The following PNMA8B variants were observed in gnomAD, a reference collection of about 807,000 sequenced individuals.
PNMA8B encodes PNMA family member 8B.
For synonymous variants in PNMA8B, 386 were observed against 394.9 expected (o/e 0.98, Z 0.27); for missense variants, 887 against 885.8 (o/e 1.00, Z -0.02).
In PNMA8B at chr19:46,493,705, G is replaced by A. The variant is rs772427229; in HGVS notation, c.1761C>T (p.Ala587=). 2.6e-6 allele frequency: 4 copies of A among 1,535,148 alleles called. No individual in the cohort carries two copies. The Admixed American group carries it at 5.6e-5, about 22-fold the overall frequency. Residue 587 remains alanine, a synonymous_variant, in exon 1 of 1, where the codon GCC becomes GCT. Transcript: ENST00000599531. This position sits in a 1 kb window ranked among gnomAD's most constrained non-coding sequence, Gnocchi z 5.3. ...TCCCCTTCTTCTTCCTGCTTCCTGC[G>A]GCGTCGTCCTGGGCCGAGCCCCGGC... is the stretch of plus-strand genomic sequence containing the variant. ...AGSRGSAQDD[A]AGSRKKKGSA...
chr19:46,495,332 G>T lies in PNMA8B; in HGVS notation c.134C>A (p.Pro45His). 1 of 1,292,234 alleles carries T rather than the reference G, an allele frequency of 7.7e-7. No individual in the cohort carries two copies. Among genetic ancestry groups the T allele is most frequent in the Non-Finnish European group, 1.1e-6 (1 of 886,182 alleles). The allele number at this position is 1,292,234 out of a possible 1,614,324, so 80.0% of individuals were successfully genotyped here. ...GTGTCGCAACCTGAACGTGCCCAGG[G>T]GCAGGAGGGTCGGCTGCAGGACGGC... is the stretch of plus-strand genomic sequence containing the variant. ...VEAVLQPTLL[P>H]LGTFRLRHMK... The change falls in exon 1 of 1, where the codon CCC becomes CAC. Residue 45 changes from proline (P) to histidine (H), a missense_variant. By Grantham distance (77) the Pro-to-His change is moderately conservative (BLOSUM62 -2). Coordinates refer to ENST00000599531, the MANE Select transcript of PNMA8B (RefSeq NM_020709.3).
Position 46,494,151 on chromosome 19 carries a change from T to C in PNMA8B, c.1315A>G (p.Ser439Gly). Residue 439 changes from serine (S) to glycine (G), a missense_variant, in exon 1 of 1, where the codon AGC (serine) becomes GGC (glycine). Transcript: ENST00000599531. The stretch of plus-strand genomic sequence containing the variant: ...CCCCCTTCGTCCTCACGGTGCTCGC[T>C]CCAGCCCCCGAAGAGGCCACGCCCA... ...KAGRGLFGGW[S>G]EHREDEGGLL... The C allele has an allele frequency of 6.2e-7, 1 of 1,610,746 alleles. No homozygotes were observed.
rs554556398 is a variant in PNMA8B at position 46,494,385 on chromosome 19, C to A, written c.1081G>T (p.Gly361Cys). 6.2e-7 allele frequency: 1 copy of A among 1,613,476 alleles called. No individual in the cohort carries two copies. Among genetic ancestry groups the A allele is most frequent in the Admixed American group, 1.7e-5 (1 of 60,032 alleles). Residue 361 changes from glycine (G) to cysteine (C), a missense_variant, in exon 1 of 1, where the codon GGC (glycine) becomes TGC (cysteine). Gly to Cys is a radical substitution (Grantham distance 159). Coordinates refer to ENST00000599531, the MANE Select transcript of PNMA8B (RefSeq NM_020709.3). ...CGCTTGTCTTTCTCGTCGCTCCAGC[C>A]CAGCGACTCGATAACAGAAGCGATT... is the stretch of plus-strand genomic sequence containing the variant. ...LKIASVIESL[G>C]WSDEKDKRDP...
In PNMA8B at chr19:46,494,704, C is replaced by G. The variant is rs1209009048; in HGVS notation, c.762G>C (p.Leu254Phe). 1 of 1,614,022 alleles carries G rather than the reference C, an allele frequency of 6.2e-7. No individual in the cohort carries two copies. The highest frequency in any genetic ancestry group is 8.5e-7 in the Non-Finnish European group (1 of 1,179,880). Residue 254 changes from leucine (L) to phenylalanine (F), a missense_variant, in exon 1 of 1, where the codon TTG (leucine) becomes TTC (phenylalanine). By Grantham distance (22) the Leu-to-Phe change is conservative. Transcript: ENST00000599531. ...ATTTGTCGGTGACGGTGACCAGAGC[C>G]AAGAACTCGCGGGGACCGTCTTCTT... ...EGEEDGPREFLALVTVTDKSK... is the reference protein window; with the variant it reads ...EGEEDGPREFFALVTVTDKSK...
chr19:46,494,263 G>A lies in PNMA8B; in HGVS notation c.1203C>T (p.Val401=). ...CCCCGTCATCCCCGGCCTTGCGCAGGACCACGGCGTCCACCTCGCGGCCCG... is the reference window on the plus strand; with the variant it reads ...CCCCGTCATCCCCGGCCTTGCGCAGAACCACGGCGTCCACCTCGCGGCCCG... ...EEAGREVDAV[V]LRKAGDDGDL... is the part of the protein sequence containing the mutation. Residue 401 remains valine (V), a synonymous_variant, in exon 1 of 1, where the codon GTC becomes GTT. Transcript: ENST00000599531. The A allele has an allele frequency of 1.2e-6, 2 of 1,610,020 alleles. No homozygotes were observed. The highest frequency in any genetic ancestry group is 1.7e-6 in the Non-Finnish European group (2 of 1,179,532).
Position 46,492,061 on chromosome 19 carries a change from G to A in PNMA8B, c.*1497C>T. On this transcript the variant is annotated 3_prime_UTR_variant, in exon 1 of 1. Coordinates refer to ENST00000599531, the MANE Select transcript of PNMA8B (RefSeq NM_020709.3). ...AAGCAGAGGGGAGCACCCACGCCCTGCAGCAGGTCTCAGTCAGCTTCTACA... is the reference window on the plus strand; with the variant it reads ...AAGCAGAGGGGAGCACCCACGCCCTACAGCAGGTCTCAGTCAGCTTCTACA... 1 of 342,778 alleles carries A rather than the reference G, an allele frequency of 2.9e-6. No homozygotes were observed. Among genetic ancestry groups the A allele is most frequent in the East Asian group, 9.8e-5 (1 of 10,226 alleles). The allele number at this position is 342,778 out of a possible 1,614,324, so 21.2% of individuals were successfully genotyped here.
chr19:46,494,985 G>T lies in PNMA8B; in HGVS notation c.481C>A (p.Arg161Ser). The change falls in exon 1 of 1, where the codon CGT becomes AGT. Residue 161 changes from arginine (R) to serine (S), a missense_variant. Coordinates refer to ENST00000599531, the MANE Select transcript of PNMA8B (RefSeq NM_020709.3). ...CTGGTTCTGTTTCTGCGACCCCGAC[G>T]GCCCCTCCTTGGGTTCCTGGCTGCC... is the stretch of plus-strand genomic sequence containing the variant. ...LGAARNPRRG[R>S]RGRRNRTRRN... is the part of the protein sequence containing the mutation. 1 of 1,608,756 alleles carries T rather than the reference G, an allele frequency of 6.2e-7. No individual in the cohort carries two copies. Among genetic ancestry groups the T allele is most frequent in the Non-Finnish European group, 8.5e-7 (1 of 1,179,792 alleles).
rs373537609 is a variant in PNMA8B, at chr19:46,492,348, C to T, written c.*1210G>A. On this transcript the variant is annotated 3_prime_UTR_variant, in exon 1 of 1. Coordinates refer to ENST00000599531, the MANE Select transcript of PNMA8B (RefSeq NM_020709.3). ...CCGGGGTTGCAGGAGCTGAAGCATA[C>T]GGCACGGCACGGCACAGACTCACAT... 4.8e-5 allele frequency: 13 copies of T among 268,602 alleles called. No homozygotes were observed. The highest frequency in any genetic ancestry group is 1.1e-4 in the East Asian group (1 of 8,866). 16.6% of individuals were successfully genotyped at this position (268,602 alleles called of 1,614,324 possible).
In PNMA8B at chr19:46,494,170, A is replaced by C. The variant is rs754116968; in HGVS notation, c.1296T>G (p.Arg432=). 8.1e-5 allele frequency: 131 copies of C among 1,610,128 alleles called. No homozygotes were observed. Among genetic ancestry groups the C allele is most frequent in the Non-Finnish European group, 1.1e-4 (127 of 1,179,844 alleles). Reference sequence around the variant, plus strand: ...GCTCGCTCCAGCCCCCGAAGAGGCCACGCCCAGCCTTCTTCGCCTGGGGAG... The same window carrying C: ...GCTCGCTCCAGCCCCCGAAGAGGCCCCGCCCAGCCTTCTTCGCCTGGGGAG... ...DLPPQAKKAG[R]GLFGGWSEHR... Residue 432 remains arginine (R), a synonymous_variant, in exon 1 of 1, where the codon CGT becomes CGG. Transcript: ENST00000599531.
At position 46,493,962 on chromosome 19, in the gene PNMA8B, C is replaced by G. The variant is rs780592952; in HGVS notation, c.1504G>C (p.Gly502Arg). Residue 502 changes from glycine (G) to arginine (R), a missense_variant, in exon 1 of 1, where the codon GGG (glycine) becomes CGG (arginine). By Grantham distance (125) the Gly-to-Arg change is moderately radical. Transcript: ENST00000599531. The surrounding 1 kb of genome is among the most constrained non-coding windows in gnomAD (Gnocchi z 5.3). Reference sequence around the variant, plus strand: ...TGTTCGTCCGAAGCCTCCTCCGACCCCTCGTTGGACCCCATGTTCTCCCGG... The same window carrying G: ...TGTTCGTCCGAAGCCTCCTCCGACCGCTCGTTGGACCCCATGTTCTCCCGG... ...AARENMGSNEGSEEASDEQSE... is the reference protein window; with the variant it reads ...AARENMGSNERSEEASDEQSE... The G allele has an allele frequency of 1.2e-6, 2 of 1,612,878 alleles. No individual in the cohort carries two copies. The highest frequency in any genetic ancestry group is 4.5e-5 in the East Asian group (2 of 44,884).
At position 46,493,723 on chromosome 19, in the gene PNMA8B, GC is replaced by G. The variant is rs1180749168; in HGVS notation, c.1742del (p.Gly581AlafsTer241). The G allele has an allele frequency of 1.0e-5, 15 of 1,500,328 alleles. No homozygotes were observed. Among genetic ancestry groups the G allele is most frequent in the Non-Finnish European group, 1.3e-5 (15 of 1,132,752 alleles). 92.9% of individuals were successfully genotyped at this position (1,500,328 alleles called of 1,614,324 possible). ...TTCCTGCGGCGTCGTCCTGGGCCGA[GC>G]CCCGGCTCCCGGCTTTCTTCTCGGG... ...VTPEKKAGSR[G>X]SAQDDAAGSR... is the part of the protein sequence containing the mutation. On this transcript the variant is annotated frameshift_variant, in exon 1 of 1. Coordinates refer to ENST00000599531, the MANE Select transcript of PNMA8B (RefSeq NM_020709.3). LOFTEE classifies it low-confidence loss of function (END_TRUNC). This position sits in a 1 kb window ranked among gnomAD's most constrained non-coding sequence, Gnocchi z 5.3.
Position 46,493,584 on chromosome 19 carries a change from G to A in PNMA8B, c.1882C>T (p.Arg628Trp). Residue 628 changes from arginine (R) to tryptophan (W), a missense_variant, in exon 1 of 1, where the codon CGG becomes TGG. Coordinates refer to ENST00000599531, the MANE Select transcript of PNMA8B (RefSeq NM_020709.3). The surrounding 1 kb of genome is among the most constrained non-coding windows in gnomAD (Gnocchi z 5.3). ...AARGKKARRG[R>W]RLPPKCR ...TAGCGGCATTTAGGGGGCAGCCTCC[G>A]GCCCCGACGGGCCTTCTTCCCGCGC... The A allele has an allele frequency of 1.4e-6, 2 of 1,466,610 alleles. No homozygotes were observed. Among genetic ancestry groups the A allele is most frequent in the South Asian group, 1.4e-5 (1 of 72,822 alleles). 90.8% of individuals were successfully genotyped at this position (1,466,610 alleles called of 1,614,324 possible). A position where few individuals can be genotyped will look rare whatever the true frequency, so the allele number is the denominator to read the frequency against.
chr19:46,493,689 TCTTCCTG>T lies in PNMA8B; in HGVS notation c.1770_1776del (p.Ser590ArgfsTer230). 1 of 1,533,854 alleles carries T rather than the reference TCTTCCTG, an allele frequency of 6.5e-7. No individual in the cohort carries two copies. The highest frequency in any genetic ancestry group is 8.7e-7 in the Non-Finnish European group (1 of 1,148,872). ...GCCCCGGCGCCCGCGCTCCCCTTCT[TCTTCCTG>T]CTTCCTGCGGCGTCGTCCTGGGCCG... On this transcript the variant is annotated frameshift_variant, in exon 1 of 1. Coordinates refer to ENST00000599531, the MANE Select transcript of PNMA8B (RefSeq NM_020709.3). LOFTEE classifies it low-confidence loss of function (END_TRUNC). The surrounding 1 kb of genome is among the most constrained non-coding windows in gnomAD (Gnocchi z 5.3).
Position 46,493,521 on chromosome 19 carries a change from G to A in PNMA8B, c.*37C>T. 2 of 1,296,242 alleles carry A rather than the reference G, an allele frequency of 1.5e-6. No individual in the cohort carries two copies. Among genetic ancestry groups the A allele is most frequent in the Non-Finnish European group, 9.8e-7 (1 of 1,018,162 alleles). 80.3% of individuals were successfully genotyped at this position (1,296,242 alleles called of 1,614,324 possible). A position where few individuals can be genotyped will look rare whatever the true frequency, so the allele number is the denominator to read the frequency against. ...CCACAGGCGGGCGGGTGCCCTGCGG[G>A]GCCTGCTCGCAGCCTGGGCGGCTTC... On this transcript the variant is annotated 3_prime_UTR_variant, in exon 1 of 1. Coordinates refer to ENST00000599531, the MANE Select transcript of PNMA8B (RefSeq NM_020709.3). This position sits in a 1 kb window ranked among gnomAD's most constrained non-coding sequence, Gnocchi z 5.3.
In PNMA8B at chr19:46,494,678, G is replaced by C. The variant is rs754635701; in HGVS notation, c.788C>G (p.Ser263Trp). The change falls in exon 1 of 1, where the codon TCG becomes TGG. Residue 263 changes from serine (S) to tryptophan (W), a missense_variant. Coordinates refer to ENST00000599531, the MANE Select transcript of PNMA8B (RefSeq NM_020709.3). ...FLALVTVTDK[S>W]KKEEAEKEPA... Reference sequence around the variant, plus strand: ...CTCCTTCTCTGCCTCTTCTTTCTTCGATTTGTCGGTGACGGTGACCAGAGC... The same window carrying C: ...CTCCTTCTCTGCCTCTTCTTTCTTCCATTTGTCGGTGACGGTGACCAGAGC... 6 of 1,613,882 alleles carry C rather than the reference G, an allele frequency of 3.7e-6. No individual in the cohort carries two copies. In the African/African-American group the frequency reaches 8.0e-5, roughly 22 times the overall value.
rs1970067162 is a variant in PNMA8B, at chr19:46,494,821, G to T, written c.645C>A (p.Ser215Arg). The change falls in exon 1 of 1, where the codon AGC (serine) becomes AGA (arginine). Residue 215 changes from serine (S) to arginine (R), a missense_variant. Coordinates refer to ENST00000599531, the MANE Select transcript of PNMA8B (RefSeq NM_020709.3). Reference protein sequence around the residue: ...VIEEIDQGDLSGEEDQSALYA... With the variant: ...VIEEIDQGDLRGEEDQSALYA... ...ACAGCGCGCTCTGGTCCTCTTCTCC[G>T]CTCAGGTCGCCCTGGTCGATCTCCT... 6.2e-7 allele frequency: 1 copy of T among 1,613,466 alleles called. No homozygotes were observed.
chr19:46,494,523 C>T lies in PNMA8B; in HGVS notation c.943G>A (p.Asp315Asn). 6.2e-7 allele frequency: 1 copy of T among 1,614,060 alleles called. No homozygotes were observed. The highest frequency in any genetic ancestry group is 8.5e-7 in the Non-Finnish European group (1 of 1,179,910). ...EPVDSDTSES[D>N]SQESGDQETE... ...TCTTGGTCCCCACTTTCCTGCGAGT[C>T]GCTCTCCGAAGTGTCGCTGTCCACC... The change falls in exon 1 of 1, where the codon GAC (aspartate) becomes AAC (asparagine). Residue 315 changes from aspartate (D) to asparagine (N), a missense_variant. Asp to Asn is a conservative substitution (Grantham distance 23). Transcript: ENST00000599531.
rs1297196379 is a variant in PNMA8B at position 46,494,718 on chromosome 19, G to T, written c.748C>A (p.Pro250Thr). 1.2e-6 allele frequency: 2 copies of T among 1,614,020 alleles called. No homozygotes were observed. Among genetic ancestry groups the T allele is most frequent in the Non-Finnish European group, 1.7e-6 (2 of 1,179,896 alleles). Residue 250 changes from proline (P) to threonine (T), a missense_variant, in exon 1 of 1, where the codon CCC becomes ACC. Pro to Thr is a conservative substitution (Grantham distance 38). Coordinates refer to ENST00000599531, the MANE Select transcript of PNMA8B (RefSeq NM_020709.3). ...PCNSEGEEDGPREFLALVTVT... is the reference protein window; with the variant it reads ...PCNSEGEEDGTREFLALVTVT... ...GTGACCAGAGCCAAGAACTCGCGGG[G>T]ACCGTCTTCTTCCCCCTCGGAGTTG...
chr19:46,493,653 C>T lies in PNMA8B; in HGVS notation c.1813G>A (p.Ala605Thr), dbSNP rs1346833539. ...GGCGCCTGGCCCTTGGCCTCGCCTGCCCTGGCATGGGCCCCGGCGCCCGCG... is the reference window on the plus strand; with the variant it reads ...GGCGCCTGGCCCTTGGCCTCGCCTGTCCTGGCATGGGCCCCGGCGCCCGCG... ...GSAGAGAHAR[A>T]GEAKGQAPTG... The change falls in exon 1 of 1, where the codon GCA becomes ACA. Residue 605 changes from alanine (A) to threonine (T), a missense_variant. Transcript: ENST00000599531. The surrounding 1 kb of genome is among the most constrained non-coding windows in gnomAD (Gnocchi z 5.3). The T allele has an allele frequency of 6.5e-7, 1 of 1,536,226 alleles. No homozygotes were observed. Among genetic ancestry groups the T allele is most frequent in the East Asian group, 2.5e-5 (1 of 39,532 alleles).
Sources: allele counts gnomAD v4.1 joint callset, GRCh38; gene constraint gnomAD v4.1.1; non-coding constraint Gnocchi (gnomAD v3.1); transcripts MANE v1.5; gene names NCBI Gene and HGNC (gene_info 2026-07-23, HGNC 2026-07-21).